PDE9A: variants seen among roughly 807,000 people sequenced by gnomAD.
The protein encoded by PDE9A is phosphodiesterase 9A.
In PDE9A, 60 loss-of-function variants were observed where a neutral mutation model predicts 87.4. The ratio of observed to expected loss-of-function variants is 0.69; its 90% CI spans 0.56 to 0.85. The LOEUF is 0.85. PDE9A is among the 40% of genes least tolerant of loss of function. The pLI, the probability that PDE9A is intolerant of heterozygous loss-of-function variation, is 0.00. For missense variants in PDE9A, 665 were observed against 779.0 expected (o/e 0.85, Z 1.74); for synonymous variants, 272 against 279.4 (o/e 0.97, Z 0.27).
intron 10 of PDE9A, 122 bp downstream of exon 10, chr21:42,754,186 G>GGAAA: frequency 4.0e-6 from 2 of 499,708 alleles, no homozygotes; most frequent in African/African-American, 4.1e-5. Context: ...TTTAAAGACT[G>GGAAA]AAAAAAAAAA....
At chr21:42,716,954 C>T (rs907667283) in intron 4 of PDE9A, among the ~76,000 whole-genome samples, 1 of 150,894 alleles carries the variant, frequency 6.6e-6, no homozygotes, top group African/African-American at 2.4e-5. Flanking sequence ...GTTTCATCAT[C>T]TTGGTCAGAC....
chr21:42,750,517 T>C (rs2054301194), intron 8 of PDE9A, among the ~76,000 whole-genome samples: 1 of 33,264 alleles, frequency 3.0e-5, no homozygotes, highest in Admixed American at 2.2e-4. Flanking sequence ...AGAATGTTTT[T>C]CTTTTGAAAA....
At chr21:42,768,086 C>T (rs1002146499) in intron 15 of PDE9A, 102 bp from the exon 16 acceptor site, 12 of 742,744 alleles carry the variant, frequency 1.6e-5, no homozygotes, top group Non-Finnish European at 2.9e-5. Flanking sequence ...CCAGCAGGTC[C>T]TCCGTCTCTT....
chr21:42,702,520 T>C lies in PDE9A; in HGVS notation c.262+3509T>C, dbSNP rs1161325130. On this transcript the variant is annotated intron_variant, in intron 4 of 19. Transcript: ENST00000291539. The surrounding 1 kb of genome is among the most constrained non-coding windows in gnomAD (Gnocchi z 4.9). ...ATTTTTCTGATTCTCGTGAATCTAG[T>C]AGATCTTGATGGAATGCTGATCACA... 1.3e-5 allele frequency among the ~76,000 whole-genome samples: 2 copies of C among 152,246 alleles called. No individual in the cohort carries two copies. Among genetic ancestry groups the C allele is most frequent in the Non-Finnish European group, 2.9e-5 (2 of 68,038 alleles).
At position 42,760,741 on chromosome 21, in the gene PDE9A, C is replaced by T; in HGVS notation, c.1003-84C>T. 2.5e-6 allele frequency: 2 copies of T among 799,528 alleles called. No individual in the cohort carries two copies. Among genetic ancestry groups the T allele is most frequent in the Non-Finnish European group, 4.3e-6 (2 of 463,132 alleles). The allele number at this position is 799,528 out of a possible 1,614,324, so 49.5% of individuals were successfully genotyped here. On this transcript the variant is annotated intron_variant, in intron 12 of 19. Transcript: ENST00000291539. The surrounding 1 kb of genome is among the most constrained non-coding windows in gnomAD (Gnocchi z 5.2). ...GCAGGGGCCTTTGTCCCCCGCTTAC[C>T]ACTCACCCAATTCCACCCCCCCTCA...
intron 1 of PDE9A, among the ~76,000 whole-genome samples, chr21:42,657,984 C>T (rs545822200): frequency 3.7e-4 from 57 of 152,368 alleles, no homozygotes; most frequent in African/African-American, 1.2e-3. Context: ...GGAGGAGCCG[C>T]GCTAGAAAGT....
intron 7 of PDE9A, among the ~76,000 whole-genome samples, chr21:42,740,759 A>AGACAG (rs1569229258): frequency 2.5e-4 from 31 of 126,078 alleles, no homozygotes; most frequent in African/African-American, 8.9e-4. Context: ...TAAACAGGAT[A>AGACAG]GATAGATAGA....
Position 42,660,627 on chromosome 21 carries a change from A to T in PDE9A, c.69+6744A>T, listed in dbSNP as rs900703600. Among the ~76,000 whole-genome samples the T allele has an allele frequency of 4.1e-5, 4 of 98,590 alleles. No individual in the cohort carries two copies. Among genetic ancestry groups the T allele is most frequent in the African/African-American group, 2.2e-4 (4 of 18,204 alleles). The allele number at this position is 98,590 out of a possible 152,430, so 64.7% of individuals were successfully genotyped here. ...CCTTCCCCAAACACTATTGGAATTA[A>T]AAAAAAAAAAAAAGATTAAAATGGT... On this transcript the variant is annotated intron_variant, in intron 1 of 19. Transcript: ENST00000291539. This position sits in a 1 kb window ranked among gnomAD's most constrained non-coding sequence, Gnocchi z 4.7.
At position 42,702,967 on chromosome 21, in the gene PDE9A, G is replaced by T. The variant is rs1473135144; in HGVS notation, c.262+3956G>T. Reference sequence around the variant, plus strand: ...GGCGCTGGGTCGAGATCACGAAAGGGAAGTGGCAGCAAAGGTGGAGGCAGA... The same window carrying T: ...GGCGCTGGGTCGAGATCACGAAAGGTAAGTGGCAGCAAAGGTGGAGGCAGA... On this transcript the variant is annotated intron_variant, in intron 4 of 19. Transcript: ENST00000291539. The surrounding 1 kb of genome is among the most constrained non-coding windows in gnomAD (Gnocchi z 4.9). 6.6e-6 allele frequency among the ~76,000 whole-genome samples: 1 copy of T among 152,240 alleles called. No individual in the cohort carries two copies. The highest frequency in any genetic ancestry group is 1.5e-5 in the Non-Finnish European group (1 of 68,046).
intron 10 of PDE9A, chr21:42,757,563 GT>G (rs1231736881): frequency 5.3e-5 from 8 of 152,240 alleles, no homozygotes; most frequent in Admixed American, 5.2e-4. Flanking sequence ...TGATTCCTCA[GT>G]TCTGGAGCTG....
intron 8 of PDE9A, among the ~76,000 whole-genome samples, chr21:42,748,192 A>G (rs1379013344): frequency 6.6e-6 from 1 of 152,272 alleles, no homozygotes; most frequent in Admixed American, 6.5e-5. Context: ...AAAGCAGCGA[A>G]GAAATCATCA....
At chr21:42,715,199 T>TTC (rs2049772327) in intron 4 of PDE9A, among the ~76,000 whole-genome samples, 1 of 150,818 alleles carries the variant, frequency 6.6e-6, no homozygotes, top group Non-Finnish European at 1.5e-5. Context: ...TTTTTTTTTT[T>TTC]TTTTTTTTTA....
At chr21:42,668,980 G>A (rs2058225391) in intron 1 of PDE9A, among the ~76,000 whole-genome samples, 1 of 147,166 alleles carries the variant, frequency 6.8e-6, no homozygotes, top group African/African-American at 2.6e-5. Context: ...GTCTCCCCTC[G>A]TTAATGCCTC....
Position 42,672,452 on chromosome 21 carries a change from G to A in PDE9A, c.70-13740G>A, listed in dbSNP as rs566525727. Among the ~76,000 whole-genome samples the A allele has an allele frequency of 2.0e-5, 3 of 152,348 alleles. No homozygotes were observed. In the South Asian group the frequency reaches 6.2e-4, roughly 32 times the overall value. ...GTCTCAGTCCCCATTGGTGGTTGTG[G>A]TTGTGGCATGGGCATCATTAGTCAC... On this transcript the variant is annotated intron_variant, in intron 1 of 19. Transcript: ENST00000291539.
chr21:42,713,345 G>T (rs549003074), intron 4 of PDE9A, among the ~76,000 whole-genome samples: 7 of 152,228 alleles, frequency 4.6e-5, no homozygotes, highest in African/African-American at 1.4e-4. Context: ...TGTTGGTCAG[G>T]GTGGTCTCGA....
chr21:42,653,858 T>C lies in PDE9A; in HGVS notation c.44T>C (p.Leu15Pro). The C allele has an allele frequency of 6.4e-7, 1 of 1,565,276 alleles. No individual in the cohort carries two copies. The highest frequency in any genetic ancestry group is 1.8e-5 in the Admixed American group (1 of 55,966). ...SSSYRPKAIY[L>P]DIDGRIQKVI... ...AGCTACCGGCCCAAGGCCATCTACCTGGACATCGATGGACGCATTCAGAAG... is the reference window on the plus strand; with the variant it reads ...AGCTACCGGCCCAAGGCCATCTACCCGGACATCGATGGACGCATTCAGAAG... The change falls in exon 1 of 20, where the codon CTG becomes CCG. Residue 15 changes from leucine to proline, a missense_variant. Transcript: ENST00000291539.
chr21:42,770,995 C>G (rs1411235198), intron 18 of PDE9A, among the ~76,000 whole-genome samples, 197 bp downstream of exon 18: 2 of 152,252 alleles, frequency 1.3e-5, no homozygotes, highest in Non-Finnish European at 2.9e-5. Flanking sequence ...AAACTGCATT[C>G]GCCAAGAACA....
At chr21:42,685,579 G>A (rs2059416577) in intron 1 of PDE9A, among the ~76,000 whole-genome samples, 1 of 149,260 alleles carries the variant, frequency 6.7e-6, no homozygotes, top group Non-Finnish European at 1.5e-5. Context: ...CGATTCTCCC[G>A]GCTCAGCCTC....
In PDE9A at chr21:42,775,292, G is replaced by A. The variant is rs773748947; in HGVS notation, c.1781G>A (p.Ter594=). 6 of 1,611,126 alleles carry A rather than the reference G, an allele frequency of 3.7e-6. No individual in the cohort carries two copies. The East Asian group carries it at 1.1e-4, about 30-fold the overall frequency. The stretch of plus-strand genomic sequence containing the variant: ...TCCCTTCTTCCAGGAGACTGTGCCT[G>A]AGGAAAGCGGGGGGCGTGGCTGCAG... ...DVKNSEGDCA[*] is the part of the protein sequence containing the mutation. Residue 594 remains the stop codon, a stop_retained_variant, in exon 20 of 20, where the codon TGA becomes TAA. Coordinates refer to ENST00000291539, the MANE Select transcript of PDE9A (RefSeq NM_002606.3).
Sources: allele counts gnomAD v4.1 joint callset (sites outside exome capture counted in the v4.1 genomes callset), GRCh38; gene constraint gnomAD v4.1.1; non-coding constraint Gnocchi (gnomAD v3.1); transcripts MANE v1.5; gene names NCBI Gene and HGNC (gene_info 2026-07-23, HGNC 2026-07-21).